Variants in DCAF8L2 observed in about 807,000 individuals in gnomAD.
DCAF8L2 encodes DDB1- and CUL4-associated factor 8-like protein 2.
For synonymous variants in DCAF8L2, 200 were observed against 190.9 expected (o/e 1.05, Z -0.39); for missense variants, 430 against 490.7 (o/e 0.88, Z 1.17).
At chrX:27,520,484 T>C in the DCAF8L2 span, among the ~76,000 whole-genome samples, 1 of 112,134 alleles carries the variant, frequency 8.9e-6, no homozygotes. Context: ...GTTTCATAAA[T>C]GGCTAAATTA....
intron 1 of DCAF8L2, among the ~76,000 whole-genome samples, chrX:27,618,073 C>T (rs1354723302): frequency 1.8e-5 from 2 of 111,134 alleles, no homozygotes; most frequent in African/African-American, 6.5e-5. Context: ...TATAAAGCTG[C>T]TAGAAAAACA....
chrX:27,548,224 G>C, the DCAF8L2 span, among the ~76,000 whole-genome samples: 2 of 110,812 alleles, frequency 1.8e-5, no homozygotes, highest in African/African-American at 6.6e-5. Flanking sequence ...ATTCCAAAGA[G>C]AAGCAATAAG....
intron 2 of DCAF8L2, among the ~76,000 whole-genome samples, chrX:27,677,583 G>A (rs1033850500): frequency 1.8e-5 from 2 of 111,342 alleles, no homozygotes; most frequent in Non-Finnish European, 3.8e-5. Flanking sequence ...AGCTTAGTAT[G>A]ATGGGAGATC....
intron 1 of DCAF8L2, among the ~76,000 whole-genome samples, chrX:27,623,245 C>T (rs1221286304): frequency 9.1e-6 from 1 of 110,346 alleles, no homozygotes; most frequent in African/African-American, 3.3e-5. Flanking sequence ...CACTGCCCTT[C>T]AGGGGAAAAA....
At chrX:27,611,668 T>C (rs1487549716) in intron 1 of DCAF8L2, among the ~76,000 whole-genome samples, 3 of 109,187 alleles carry the variant, frequency 2.7e-5, no homozygotes, top group African/African-American at 1.0e-4. Context: ...TGTTCAATTC[T>C]CACCTGTGAG....
At chrX:27,698,727 T>G (rs775747015) in intron 3 of DCAF8L2, among the ~76,000 whole-genome samples, 48 of 111,561 alleles carry the variant, frequency 4.3e-4, no homozygotes, top group African/African-American at 1.4e-3. Flanking sequence ...ACCGTCTGAC[T>G]TTTAAAAAAA....
chrX:27,728,040 C>A (rs773879017), intron 4 of DCAF8L2, among the ~76,000 whole-genome samples: 19 of 111,502 alleles, frequency 1.7e-4, no homozygotes, highest in Non-Finnish European at 2.8e-4. Flanking sequence ...ATCCTGAGAA[C>A]ATTACATTTC....
chrX:27,621,165 GA>G (rs1192363219), intron 1 of DCAF8L2, among the ~76,000 whole-genome samples: 1 of 111,627 alleles, frequency 9.0e-6, no homozygotes, highest in African/African-American at 3.3e-5. Flanking sequence ...AGGCTGGGGA[GA>G]GGGGAGAATG....
chrX:27,674,362 G>T (rs1930068690), intron 2 of DCAF8L2, among the ~76,000 whole-genome samples: 1 of 110,777 alleles, frequency 9.0e-6, no homozygotes, highest in Admixed American at 9.7e-5. Flanking sequence ...ATTCATATTA[G>T]TCAATAATAT....
intron 4 of DCAF8L2, among the ~76,000 whole-genome samples, chrX:27,727,322 T>C (rs960194390): frequency 2.7e-5 from 3 of 111,802 alleles, no homozygotes; most frequent in African/African-American, 9.7e-5. Flanking sequence ...TGGTATCATT[T>C]GATGAACAGA....
chrX:27,568,300 G>A, the DCAF8L2 span, among the ~76,000 whole-genome samples: 1 of 111,156 alleles, frequency 9.0e-6, no homozygotes, highest in Non-Finnish European at 1.9e-5. Context: ...TTTTTTTTCT[G>A]TAAAACTTTT....
At chrX:27,522,520 A>G in the DCAF8L2 span, among the ~76,000 whole-genome samples, 1 of 111,978 alleles carries the variant, frequency 8.9e-6, no homozygotes, top group East Asian at 2.8e-4. Flanking sequence ...ACTGTTAACT[A>G]TAGGCAAATG....
intron 1 of DCAF8L2, 84 bp from the exon 2 acceptor site, chrX:27,631,795 G>A (rs753797437): frequency 1.5e-4 from 17 of 111,815 alleles, no homozygotes; most frequent in South Asian, 7.4e-4. Context: ...CTTTAAATTC[G>A]TAGTAAACTA....
At chrX:27,519,179 G>T in the DCAF8L2 span, 8 of 1,135,437 alleles carry the variant, frequency 7.0e-6, no homozygotes, top group Non-Finnish European at 9.6e-6. Context: ...AGAATAGAAC[G>T]TGAAAAGGAA....
the DCAF8L2 span, among the ~76,000 whole-genome samples, chrX:27,560,148 T>A: frequency 5.5e-5 from 6 of 108,520 alleles, no homozygotes; most frequent in African/African-American, 1.3e-4. Context: ...GTGCCTGTAG[T>A]CCCAGCTACT....
intron 2 of DCAF8L2, among the ~76,000 whole-genome samples, chrX:27,641,756 G>A (rs1928734502): frequency 9.0e-6 from 1 of 110,736 alleles, no homozygotes; most frequent in South Asian, 3.8e-4. Flanking sequence ...ACAGGCGTGA[G>A]CCACCACGCC....
upstream of DCAF8L2, among the ~76,000 whole-genome samples, chrX:27,585,608 G>A (rs1483278731): frequency 8.9e-6 from 1 of 111,874 alleles, no homozygotes; most frequent in Non-Finnish European, 1.9e-5. Flanking sequence ...CTATAGAAGG[G>A]ATATTTCTGT....
At chrX:27,663,351 C>A (rs1177692461) in intron 2 of DCAF8L2, among the ~76,000 whole-genome samples, 6 of 111,975 alleles carry the variant, frequency 5.4e-5, no homozygotes, top group Non-Finnish European at 3.8e-5. Flanking sequence ...AGAATGATGG[C>A]AATTCTGCAT....
At chrX:27,682,586 T>C (rs187434050) in intron 3 of DCAF8L2, among the ~76,000 whole-genome samples, 4 of 111,465 alleles carry the variant, frequency 3.6e-5, no homozygotes, top group Non-Finnish European at 7.5e-5. Flanking sequence ...TTCATTTATA[T>C]AATGGAATTA....
Sources: allele counts gnomAD v4.1 joint callset (sites outside exome capture counted in the v4.1 genomes callset), GRCh38; gene constraint gnomAD v4.1.1; transcripts MANE v1.5; gene names NCBI Gene and HGNC (gene_info 2026-07-23, HGNC 2026-07-21).